The following SEMA3E variants were observed in gnomAD, a reference collection of about 807,000 sequenced individuals.
SEMA3E encodes the protein semaphorin-3E.
In SEMA3E, 49 loss-of-function variants were observed where a neutral mutation model predicts 93.6. The ratio of observed to expected loss-of-function variants is 0.52; its 90% confidence interval spans 0.42 to 0.66. SEMA3E has a LOEUF of 0.66. Ranked by LOEUF, SEMA3E falls within the 30% of genes least tolerant of loss-of-function variation. The pLI, the probability that SEMA3E is intolerant of heterozygous loss-of-function variation, is 0.00. For missense variants in SEMA3E, 906 were observed against 964.8 expected (o/e 0.94, Z 0.81); for synonymous variants, 363 against 330.7 (o/e 1.10, Z -1.06).
chr7:83,555,413 G>T (rs1013870620), intron 1 of SEMA3E, among the ~76,000 whole-genome samples: 1 of 152,064 alleles, frequency 6.6e-6, no homozygotes, highest in African/African-American at 2.4e-5. Context: ...AAAGCACATG[G>T]TAGAAGTCAC....
chr7:83,439,736 C>T (rs1366029459), intron 4 of SEMA3E, among the ~76,000 whole-genome samples: 1 of 152,100 alleles, frequency 6.6e-6, no homozygotes, highest in African/African-American at 2.4e-5. Flanking sequence ...CTGATTCCTC[C>T]TTTTATCAAG....
intron 1 of SEMA3E, among the ~76,000 whole-genome samples, chr7:83,609,993 C>T (rs1163333169): frequency 6.6e-6 from 1 of 151,916 alleles, no homozygotes; most frequent in Admixed American, 6.6e-5. Flanking sequence ...GTACAATGAA[C>T]TGCAAAATAA....
intron 1 of SEMA3E, among the ~76,000 whole-genome samples, chr7:83,512,690 T>C (rs1345428826): frequency 6.6e-6 from 1 of 152,130 alleles, no homozygotes; most frequent in East Asian, 1.9e-4. Flanking sequence ...ATCAGGTAAA[T>C]AAGATGTTTT....
chr7:83,407,112 G>A lies in SEMA3E; in HGVS notation c.798C>T (p.Val266=), dbSNP rs1475070881. The change falls in exon 7 of 17, where the codon GTC becomes GTT. Residue 266 remains valine (V), a synonymous_variant. Transcript: ENST00000643230. The part of the protein sequence containing the change: ...ENNAHAIYTR[V]GRLCVNDVGG... ...AAAGCCTCACCACACAGAGTCGCCC[G>A]ACCCTGGTGTAAATTGCGTGAGCAT... 13 of 1,613,322 alleles carry A rather than the reference G, an allele frequency of 8.1e-6. No individual in the cohort carries two copies. The highest frequency in any genetic ancestry group is 5.5e-5 in the South Asian group (5 of 91,066).
intron 1 of SEMA3E, among the ~76,000 whole-genome samples, chr7:83,602,826 C>T (rs1420941290): frequency 1.3e-5 from 2 of 152,048 alleles, no homozygotes; most frequent in African/African-American, 4.8e-5. Flanking sequence ...GCTCTCATCA[C>T]CTTTTGTTTG....
chr7:83,392,527 A>T, intron 14 of SEMA3E, 28 bp downstream of exon 14: 1 of 1,611,434 alleles, frequency 6.2e-7, no homozygotes, highest in East Asian at 2.2e-5. Context: ...TAAGCAAGGG[A>T]AATAGTTAAT....
At chr7:83,622,831 G>A (rs1299013908) in intron 1 of SEMA3E, among the ~76,000 whole-genome samples, 1 of 152,140 alleles carries the variant, frequency 6.6e-6, no homozygotes, top group East Asian at 1.9e-4. Context: ...GGCCTGTCAG[G>A]GTGGGGAAGA....
At chr7:83,389,712 A>G (rs966122696) in intron 14 of SEMA3E, among the ~76,000 whole-genome samples, 6 of 149,750 alleles carry the variant, frequency 4.0e-5, no homozygotes, top group Non-Finnish European at 7.4e-5. Context: ...ACATATATAC[A>G]CGTATATATT....
chr7:83,581,938 A>ATT (rs1792525990), intron 1 of SEMA3E, among the ~76,000 whole-genome samples: 3 of 151,966 alleles, frequency 2.0e-5, no homozygotes, highest in Non-Finnish European at 4.4e-5. Flanking sequence ...AATTGAATTA[A>ATT]CCTCAAAATA....
chr7:83,397,032 G>A (rs1788136723), intron 11 of SEMA3E, among the ~76,000 whole-genome samples: 1 of 149,680 alleles, frequency 6.7e-6, no homozygotes, highest in African/African-American at 2.5e-5. Flanking sequence ...CAGTGGGCAA[G>A]ATCATGACAC....
At chr7:83,376,238 T>C (rs1296402803) in intron 16 of SEMA3E, among the ~76,000 whole-genome samples, 1 of 152,046 alleles carries the variant, frequency 6.6e-6, no homozygotes, top group Non-Finnish European at 1.5e-5. Flanking sequence ...TGTAAACTTA[T>C]GGCTGGCTTT....
Position 83,367,652 on chromosome 7 carries a change from AG to A in SEMA3E, c.2261del (p.Pro754LeufsTer32). On this transcript the variant is annotated frameshift_variant, in exon 17 of 17. Coordinates refer to ENST00000643230, the MANE Select transcript of SEMA3E (RefSeq NM_012431.3). LOFTEE classifies it high-confidence loss of function. ...GTTTGGAACGGAGCTTCTTTTCCTGAGGGTTGGCATACTTCCACTTGGAGGG... is the reference window on the plus strand; with the variant it reads ...GTTTGGAACGGAGCTTCTTTTCCTGAGGTTGGCATACTTCCACTTGGAGGG... ...MSPSKWKYAN[P>X]QEKKLRSKPE... 3 of 1,614,066 alleles carry A rather than the reference AG, an allele frequency of 1.9e-6. No individual in the cohort carries two copies. Among genetic ancestry groups the A allele is most frequent in the Non-Finnish European group, 2.5e-6 (3 of 1,180,008 alleles).
At chr7:83,533,064 C>T (rs995867588) in intron 1 of SEMA3E, among the ~76,000 whole-genome samples, 2 of 125,286 alleles carry the variant, frequency 1.6e-5, no homozygotes, top group African/African-American at 2.5e-5. Context: ...ACTGTGTCAT[C>T]ACAAGTCACT....
intron 2 of SEMA3E, among the ~76,000 whole-genome samples, chr7:83,481,702 A>C (rs2115943544): frequency 6.6e-6 from 1 of 152,298 alleles, no homozygotes; most frequent in South Asian, 2.1e-4. Context: ...GGGAAAGAGT[A>C]TGATCACATG....
chr7:83,648,312 C>T (rs980433934), intron 1 of SEMA3E, 116 bp downstream of exon 1: 1 of 726,290 alleles, frequency 1.4e-6, no homozygotes, highest in Non-Finnish European at 2.3e-6. Flanking sequence ...TTTTCAGGTG[C>T]ATTTTAAAGG....
chr7:83,617,467 A>C lies in SEMA3E; in HGVS notation c.115+30961T>G, dbSNP rs1254127208. Among the ~76,000 whole-genome samples the C allele has an allele frequency of 2.0e-4, 6 of 30,542 alleles. No homozygotes were observed. In the East Asian group the frequency reaches 4.8e-3, roughly 25 times the overall value. 20.0% of individuals were successfully genotyped at this position (30,542 alleles called of 152,430 possible). A position where few individuals can be genotyped will look rare whatever the true frequency, so the allele number is the denominator to read the frequency against. ...ATAAATTTTATATAAATAATATATA[A>C]TTTTATATAAATTTTATATAAATAA... On this transcript the variant is annotated intron_variant, in intron 1 of 16. Transcript: ENST00000643230.
intron 1 of SEMA3E, among the ~76,000 whole-genome samples, chr7:83,517,572 T>G (rs1388457551): frequency 6.6e-6 from 1 of 152,100 alleles, no homozygotes; most frequent in African/African-American, 2.4e-5. Context: ...TCTGTAGAGA[T>G]AGAATAATTT....
intron 1 of SEMA3E, among the ~76,000 whole-genome samples, chr7:83,621,232 A>C (rs566373891): frequency 6.6e-6 from 1 of 151,336 alleles, no homozygotes; most frequent in African/African-American, 2.4e-5. Flanking sequence ...TCATGAATGA[A>C]CTCCCATTCA....
At chr7:83,627,338 A>G (rs112564223) in intron 1 of SEMA3E, among the ~76,000 whole-genome samples, 3,459 of 152,166 alleles carry the variant, frequency 0.023, 138 homozygotes, top group African/African-American at 0.079. Context: ...GTGGGAGTCT[A>G]AGTCTCTTTG....
Sources: gnomAD v4.1 joint callset for allele counts (sites outside exome capture counted in the v4.1 genomes callset) on GRCh38, gnomAD v4.1.1 for gene constraint, MANE v1.5 for transcripts, NCBI Gene and HGNC (gene_info 2026-07-23, HGNC 2026-07-21) for gene names.